The following GALNT13 variants were observed in gnomAD, a reference collection of about 807,000 sequenced individuals.
GALNT13 encodes the protein UDP-GalNAc:polypeptide N-acetylgalactosaminyltransferase 13.
Under a neutral mutation model 64.2 loss-of-function variants are expected in GALNT13, and 28 were observed. That is an observed-to-expected ratio of 0.44 (90% confidence interval 0.32 to 0.60). The LOEUF (loss-of-function observed/expected upper bound fraction) is 0.60, where lower values mean the gene tolerates loss of function less well. Among genes scored for constraint, GALNT13 ranks in the 20% least tolerant of loss-of-function variants. GALNT13 has a pLI of 0.05. For missense variants in GALNT13, 577 were observed against 669.8 expected, an observed-to-expected ratio of 0.86 and a Z score of 1.53; for synonymous variants, 214 against 224.6, an observed-to-expected ratio of 0.95 and a Z score of 0.42.
intron 4 of GALNT13, among the ~76,000 whole-genome samples, chr2:154,214,374 T>C (rs770215203): frequency 6.6e-6 from 1 of 152,286 alleles, no homozygotes; most frequent in Middle Eastern, 3.4e-3. Context: ...CTTTGCTTGT[T>C]GTACTATTGT....
At chr2:154,079,961 A>AT (rs1461536189) in intron 3 of GALNT13, among the ~76,000 whole-genome samples, 1 of 151,510 alleles carries the variant, frequency 6.6e-6, no homozygotes, top group Admixed American at 6.6e-5. Flanking sequence ...TTGGGATTGC[A>AT]TTTTTTGAAG....
chr2:154,406,124 C>G (rs1354181977), intron 10 of GALNT13, among the ~76,000 whole-genome samples: 13 of 152,208 alleles, frequency 8.5e-5, no homozygotes, highest in African/African-American at 2.4e-4. Flanking sequence ...AGCATTTGCC[C>G]ACTCGTTCAG....
At chr2:154,123,879 A>G (rs1682103715) in intron 3 of GALNT13, among the ~76,000 whole-genome samples, 1 of 152,092 alleles carries the variant, frequency 6.6e-6, no homozygotes, top group South Asian at 2.1e-4. Context: ...GGCTTCACAC[A>G]GAAGGAGCAC....
intron 9 of GALNT13, among the ~76,000 whole-genome samples, chr2:154,315,615 C>T (rs1420118272): frequency 1.3e-5 from 2 of 152,108 alleles, no homozygotes; most frequent in Non-Finnish European, 2.9e-5. Flanking sequence ...TTAACACATC[C>T]TCAGTGTGGT....
At chr2:154,306,707 C>G (rs1277745649) in intron 9 of GALNT13, among the ~76,000 whole-genome samples, 1 of 150,994 alleles carries the variant, frequency 6.6e-6, no homozygotes, top group Non-Finnish European at 1.5e-5. Context: ...GTCTTCTGTT[C>G]CTGGGTGGGA....
At chr2:153,305,670 C>T in the GALNT13 span, among the ~76,000 whole-genome samples, 11 of 152,228 alleles carry the variant, frequency 7.2e-5, no homozygotes, top group Admixed American at 6.5e-4. Context: ...CTAGGCTCCT[C>T]CCCTAGAGAT....
chr2:153,931,285 CACAA>C (rs1195805174), intron 2 of GALNT13, among the ~76,000 whole-genome samples: 1 of 150,698 alleles, frequency 6.6e-6, no homozygotes. Context: ...TCCTATTGTC[CACAA>C]ACAGAGATAG....
the GALNT13 span, among the ~76,000 whole-genome samples, chr2:153,337,464 A>T: frequency 6.6e-6 from 1 of 152,250 alleles, no homozygotes; most frequent in African/African-American, 2.4e-5. Flanking sequence ...ATTATGTAAA[A>T]TCTATAACAC....
At chr2:154,064,086 G>A (rs917945601) in intron 3 of GALNT13, among the ~76,000 whole-genome samples, 1 of 152,178 alleles carries the variant, frequency 6.6e-6, no homozygotes, top group Non-Finnish European at 1.5e-5. Flanking sequence ...GGAGAGGCCA[G>A]TGATTATAGG....
intron 8 of GALNT13, among the ~76,000 whole-genome samples, chr2:154,291,465 G>C (rs1692626968): frequency 6.6e-6 from 1 of 152,174 alleles, no homozygotes; most frequent in South Asian, 2.1e-4. Context: ...CTACCCAGAA[G>C]CCCAGCTGGC....
the GALNT13 span, among the ~76,000 whole-genome samples, chr2:153,448,898 G>T: frequency 6.6e-6 from 1 of 152,130 alleles, no homozygotes; most frequent in Admixed American, 6.6e-5. Flanking sequence ...AGTAATTAAG[G>T]TTAAACGAGG....
the GALNT13 span, among the ~76,000 whole-genome samples, chr2:153,140,255 C>A: frequency 2.6e-5 from 4 of 152,040 alleles, no homozygotes; most frequent in Non-Finnish European, 5.9e-5. Context: ...AATGTTATTT[C>A]ATTTCCCATT....
chr2:153,990,094 A>G (rs1396900294), intron 3 of GALNT13, among the ~76,000 whole-genome samples: 2 of 152,252 alleles, frequency 1.3e-5, no homozygotes, highest in East Asian at 3.9e-4. Context: ...TCTATATAGT[A>G]TTAGTATTCT....
chr2:154,162,624 A>T (rs1019114712), intron 4 of GALNT13, among the ~76,000 whole-genome samples: 1 of 152,204 alleles, frequency 6.6e-6, no homozygotes, highest in Non-Finnish European at 1.5e-5. Context: ...GAAGTATATT[A>T]GTTTGTTTTT....
At chr2:154,456,191 T>TTTGCTG (rs1702031149), downstream of GALNT13, among the ~76,000 whole-genome samples, 5 of 146,346 alleles carry the variant, frequency 3.4e-5, no homozygotes, top group African/African-American at 1.3e-4. Context: ...TTTGTTTTGT[T>TTTGCTG]TTGTTGTTGT....
the GALNT13 span, among the ~76,000 whole-genome samples, chr2:153,579,817 T>C: frequency 2.0e-5 from 3 of 152,086 alleles, no homozygotes; most frequent in African/African-American, 7.2e-5. Context: ...ATCTAGGTTG[T>C]GCGTGCCTTA....
At chr2:153,730,928 A>G in the GALNT13 span, among the ~76,000 whole-genome samples, 2 of 152,038 alleles carry the variant, frequency 1.3e-5, no homozygotes, top group East Asian at 3.9e-4. Flanking sequence ...GGGCACTGTT[A>G]TACACTGTTG....
At chr2:154,172,507 C>T (rs1038909233) in intron 4 of GALNT13, among the ~76,000 whole-genome samples, 12 of 152,066 alleles carry the variant, frequency 7.9e-5, no homozygotes, top group Admixed American at 7.2e-4. Context: ...GACGTCCATA[C>T]TTTTAGCTCC....
chr2:153,916,680 T>C (rs59147534), intron 2 of GALNT13, among the ~76,000 whole-genome samples: 1 of 152,314 alleles, frequency 6.6e-6, no homozygotes, highest in African/African-American at 2.4e-5. Flanking sequence ...GTTCATTGCA[T>C]AGGAAATAGT....
Sources: allele counts gnomAD v4.1 joint callset (sites outside exome capture counted in the v4.1 genomes callset), GRCh38; gene constraint gnomAD v4.1.1; transcripts MANE v1.5; gene names NCBI Gene and HGNC (gene_info 2026-07-23, HGNC 2026-07-21).